OSBPL10: variants seen among roughly 807,000 people sequenced by gnomAD.
OSBPL10 encodes the protein oxysterol binding protein like 10.
In OSBPL10, 49 loss-of-function variants were observed where a neutral mutation model predicts 81.7. That is an observed-to-expected ratio of 0.60 (90% CI 0.48 to 0.76). The LOEUF (loss-of-function observed/expected upper bound fraction) is 0.76. OSBPL10 is among the 30% of genes least tolerant of loss of function. The pLI, the probability that OSBPL10 is intolerant of heterozygous loss-of-function variation, is 0.00. For synonymous variants in OSBPL10, 419 were observed against 383.6 expected, an observed-to-expected ratio of 1.09 and a Z score of -1.08; for missense variants, 923 against 987.8, an observed-to-expected ratio of 0.93 and a Z score of 0.88.
At chr3:31,851,420 C>T (rs996165590) in intron 3 of OSBPL10, among the ~76,000 whole-genome samples, 4 of 152,172 alleles carry the variant, frequency 2.6e-5, no homozygotes, top group Admixed American at 6.5e-5. Flanking sequence ...GAGAGGAAAC[C>T]GGCAAGAGCC....
At chr3:31,873,607 C>T (rs1012087461) in intron 3 of OSBPL10, among the ~76,000 whole-genome samples, 5 of 152,026 alleles carry the variant, frequency 3.3e-5, no homozygotes, top group African/African-American at 4.8e-5. Context: ...CACGATTTTA[C>T]GTAAGAGTTT....
At chr3:32,037,950 T>G (rs1437811160) in intron 2 of OSBPL10, among the ~76,000 whole-genome samples, 1 of 152,208 alleles carries the variant, frequency 6.6e-6, no homozygotes, top group African/African-American at 2.4e-5. Context: ...GAGAAAACAC[T>G]GCTGTGAAAT....
chr3:31,822,857 T>G (rs1210143598), intron 4 of OSBPL10, among the ~76,000 whole-genome samples: 1 of 138,964 alleles, frequency 7.2e-6, no homozygotes, highest in Non-Finnish European at 1.5e-5. Context: ...GAGGTTGCAA[T>G]GAGTCATGAT....
At chr3:31,945,992 T>A (rs941018673) in intron 1 of OSBPL10, among the ~76,000 whole-genome samples, 2 of 88,972 alleles carry the variant, frequency 2.2e-5, no homozygotes, top group Non-Finnish European at 3.9e-5. Flanking sequence ...TATGCTTTTT[T>A]TTTTCTGAGA....
intron 5 of OSBPL10, among the ~76,000 whole-genome samples, chr3:31,736,037 G>A (rs1697161563): frequency 6.6e-6 from 1 of 152,072 alleles, no homozygotes; most frequent in Non-Finnish European, 1.5e-5. Context: ...GCACGTTATA[G>A]CCTCCTAAAA....
At chr3:31,940,592 T>G (rs1173182691) in intron 1 of OSBPL10, among the ~76,000 whole-genome samples, 2 of 152,238 alleles carry the variant, frequency 1.3e-5, no homozygotes, top group African/African-American at 4.8e-5. Flanking sequence ...CATACCTGTA[T>G]GATTCTCTGT....
intron 4 of OSBPL10, among the ~76,000 whole-genome samples, chr3:31,769,459 CAAA>C (rs1278090768): frequency 5.6e-5 from 2 of 36,018 alleles, no homozygotes; most frequent in African/African-American, 1.7e-4. Flanking sequence ...AAAAAAAAAA[CAAA>C]AAAAAAACAA....
intron 3 of OSBPL10, among the ~76,000 whole-genome samples, chr3:31,834,400 A>G (rs563563916): frequency 6.6e-6 from 1 of 152,288 alleles, no homozygotes; most frequent in South Asian, 2.1e-4. Flanking sequence ...ATCAGTGTTC[A>G]TCTGGCTACT....
intron 1 of OSBPL10, among the ~76,000 whole-genome samples, chr3:32,049,648 T>C (rs9877445): frequency 6.6e-6 from 1 of 152,100 alleles, no homozygotes. Context: ...GCACTATGAG[T>C]TCTTAACCAC....
intron 1 of OSBPL10, among the ~76,000 whole-genome samples, chr3:31,880,757 C>T (rs770150280): frequency 1.3e-5 from 2 of 152,210 alleles, no homozygotes; most frequent in African/African-American, 2.4e-5. Context: ...AGCAGTTACT[C>T]AAAGTGTGGT....
At chr3:31,841,767 C>T (rs1312483514) in intron 3 of OSBPL10, among the ~76,000 whole-genome samples, 5 of 152,292 alleles carry the variant, frequency 3.3e-5, no homozygotes, top group East Asian at 1.9e-4. Context: ...TAACAGCCAA[C>T]GGTATTTAGT....
chr3:31,835,073 A>G (rs1375123038), intron 3 of OSBPL10, among the ~76,000 whole-genome samples: 1 of 152,182 alleles, frequency 6.6e-6, no homozygotes, highest in Admixed American at 6.5e-5. Flanking sequence ...ATGGTTGTTA[A>G]GTGGTTCCTG....
chr3:31,817,979 G>A (rs903636486), intron 4 of OSBPL10, among the ~76,000 whole-genome samples: 17 of 152,110 alleles, frequency 1.1e-4, no homozygotes, highest in African/African-American at 3.9e-4. Flanking sequence ...GTGATCACAT[G>A]CCTGTGGTCC....
At chr3:31,798,363 GA>G (rs940944053) in intron 4 of OSBPL10, among the ~76,000 whole-genome samples, 3 of 151,808 alleles carry the variant, frequency 2.0e-5, no homozygotes, top group African/African-American at 7.3e-5. Context: ...CTGGGAGGCA[GA>G]GGTTGCAGTG....
rs183532643 is a variant in OSBPL10, at chr3:31,875,032, G to A, written c.537+1401C>T. 1.5e-3 allele frequency among the ~76,000 whole-genome samples: 215 copies of A among 139,966 alleles called. 1 individual carries two copies. The highest frequency in any genetic ancestry group is 7.8e-3 in the Middle Eastern group (2 of 258). 91.8% of individuals were successfully genotyped at this position (139,966 alleles called of 152,430 possible). ...ACCATCTGGCCAACCAAAAAGGAGT[G>A]CAAGTAAATCCATGTGCCTAATACA... is the stretch of plus-strand genomic sequence containing the variant. On this transcript the variant is annotated intron_variant, in intron 3 of 11. Coordinates refer to ENST00000396556, the MANE Select transcript of OSBPL10 (RefSeq NM_017784.5).
chr3:31,843,837 C>T (rs186466591), intron 3 of OSBPL10, among the ~76,000 whole-genome samples: 115 of 152,286 alleles, frequency 7.6e-4, no homozygotes, highest in African/African-American at 2.5e-3. Context: ...ACATATACCC[C>T]GTGCTCAGGG....
chr3:31,854,117 T>C (rs900185476), intron 3 of OSBPL10, among the ~76,000 whole-genome samples: 2 of 151,340 alleles, frequency 1.3e-5, no homozygotes, highest in African/African-American at 4.9e-5. Flanking sequence ...TCTTTCATGA[T>C]ATATACATTA....
At chr3:31,811,615 T>C (rs1699683680) in intron 4 of OSBPL10, among the ~76,000 whole-genome samples, 1 of 152,148 alleles carries the variant, frequency 6.6e-6, no homozygotes. Context: ...TATTTCCATG[T>C]GAAAGCAACA....
chr3:31,871,124 C>A (rs1481438546), intron 3 of OSBPL10, among the ~76,000 whole-genome samples: 1 of 152,166 alleles, frequency 6.6e-6, no homozygotes, highest in Non-Finnish European at 1.5e-5. Flanking sequence ...CCGTTCCCGT[C>A]CCCTTCTGCA....
Sources: gnomAD v4.1 joint callset for allele counts (sites outside exome capture counted in the v4.1 genomes callset) on GRCh38, gnomAD v4.1.1 for gene constraint, MANE v1.5 for transcripts, NCBI Gene and HGNC (gene_info 2026-07-23, HGNC 2026-07-21) for gene names.